The following IL1RAP variants were observed in gnomAD, a reference collection of about 807,000 sequenced individuals.
IL1RAP encodes interleukin-1 receptor accessory protein.
A neutral mutation model predicts 60.7 loss-of-function variants in IL1RAP; 35 were observed. The ratio of observed to expected loss-of-function variants is 0.58; its 90% CI spans 0.44 to 0.76. IL1RAP has a LOEUF of 0.76. Among genes scored for constraint, IL1RAP ranks in the 30% least tolerant of loss-of-function variants. IL1RAP has a pLI of 0.00. For synonymous variants in IL1RAP, 268 were observed against 250.9 expected (o/e 1.07, Z -0.64); for missense variants, 572 against 693.9 (o/e 0.82, Z 1.97).
intron 5 of IL1RAP, among the ~76,000 whole-genome samples, chr3:190,619,735 A>G (rs1731600047): frequency 6.6e-6 from 1 of 151,964 alleles, no homozygotes; most frequent in Non-Finnish European, 1.5e-5. Flanking sequence ...CTCAAAAAAA[A>G]AAAAAAGTAA....
At chr3:190,551,140 G>A (rs1724825594) in intron 1 of IL1RAP, among the ~76,000 whole-genome samples, 1 of 152,206 alleles carries the variant, frequency 6.6e-6, no homozygotes, top group Non-Finnish European at 1.5e-5. Flanking sequence ...CTGTTAGAAA[G>A]TGACATTCTC....
At chr3:190,533,675 C>T (rs1029323409) in intron 1 of IL1RAP, among the ~76,000 whole-genome samples, 1 of 152,034 alleles carries the variant, frequency 6.6e-6, no homozygotes, top group African/African-American at 2.4e-5. Flanking sequence ...GACCAGAGCA[C>T]GTGGGAGGTG....
intron 3 of IL1RAP, among the ~76,000 whole-genome samples, chr3:190,577,854 C>A (rs918596038): frequency 6.6e-6 from 1 of 152,122 alleles, no homozygotes; most frequent in South Asian, 2.1e-4. Context: ...CTACACCCAA[C>A]CCTTAACAGT....
intron 3 of IL1RAP, among the ~76,000 whole-genome samples, chr3:190,587,781 G>A (rs367875361): frequency 1.7e-3 from 264 of 152,320 alleles, no homozygotes; most frequent in African/African-American, 5.9e-3. Flanking sequence ...GGCTGAGTAA[G>A]ACCTGAGAAC....
intron 3 of IL1RAP, among the ~76,000 whole-genome samples, chr3:190,583,360 G>C (rs1169104400): frequency 6.6e-6 from 1 of 152,194 alleles, no homozygotes; most frequent in African/African-American, 2.4e-5. Context: ...TCAGCTATGA[G>C]ATTATTTTGT....
At chr3:190,551,803 G>A (rs1724890039) in intron 1 of IL1RAP, among the ~76,000 whole-genome samples, 1 of 151,954 alleles carries the variant, frequency 6.6e-6, no homozygotes, top group Non-Finnish European at 1.5e-5. Context: ...AAATGTCCAG[G>A]GTAGTTACAG....
intron 4 of IL1RAP, among the ~76,000 whole-genome samples, chr3:190,605,136 T>C (rs1730193767): frequency 6.6e-6 from 1 of 152,172 alleles, no homozygotes; most frequent in South Asian, 2.1e-4. Flanking sequence ...CAATGCTTTT[T>C]AAACTTCTAC....
chr3:190,656,694 C>A (rs952003619), exon 12 of IL1RAP: 2 of 727,198 alleles, frequency 2.8e-6, no homozygotes, highest in Non-Finnish European at 4.3e-6. Context: ...TTTTTATCAT[C>A]TAATGGACTA....
At chr3:190,585,582 C>A (rs368924684) in intron 3 of IL1RAP, among the ~76,000 whole-genome samples, 5 of 152,160 alleles carry the variant, frequency 3.3e-5, no homozygotes, top group East Asian at 1.9e-4. Flanking sequence ...GAGGCCGAGG[C>A]GGGTGGATTG....
chr3:190,620,115 G>C (rs183502671), intron 5 of IL1RAP, among the ~76,000 whole-genome samples, 160 bp from the exon 6 acceptor site: 1 of 152,028 alleles, frequency 6.6e-6, no homozygotes, highest in Admixed American at 6.6e-5. Context: ...TTTATTCTTC[G>C]CAGAAATCTT....
chr3:190,560,650 C>T (rs1725805516), intron 2 of IL1RAP, among the ~76,000 whole-genome samples: 1 of 152,158 alleles, frequency 6.6e-6, no homozygotes, highest in Non-Finnish European at 1.5e-5. Context: ...TGATTCATGG[C>T]AAATCCCACC....
At chr3:190,595,423 C>G (rs1729294354) in intron 3 of IL1RAP, among the ~76,000 whole-genome samples, 1 of 152,198 alleles carries the variant, frequency 6.6e-6, no homozygotes, top group Non-Finnish European at 1.5e-5. Context: ...TTGATTTCCT[C>G]CTTGTCTTCG....
chr3:190,612,565 A>G (rs1176211767), intron 5 of IL1RAP, among the ~76,000 whole-genome samples: 1 of 151,994 alleles, frequency 6.6e-6, no homozygotes, highest in Non-Finnish European at 1.5e-5. Flanking sequence ...ACCTGTTTCA[A>G]TATTATTTTT....
rs75624428 is a variant in IL1RAP at position 190,634,015 on chromosome 3, A to G, written c.1051+4517A>G. On this transcript the variant is annotated intron_variant, in intron 9 of 11. Transcript: ENST00000447382. ...TTTTTTGTAGATGACCTTTATTTTCATGAGCAATTTTTTCATTTTCAGTTT... is the reference window on the plus strand; with the variant it reads ...TTTTTTGTAGATGACCTTTATTTTCGTGAGCAATTTTTTCATTTTCAGTTT... 3.2e-3 allele frequency among the ~76,000 whole-genome samples: 480 copies of G among 152,186 alleles called. 10 individuals carry two copies. In the East Asian group the frequency reaches 0.049, roughly 16 times the overall value.
rs1728672385 is a variant in IL1RAP at position 190,588,569 on chromosome 3, ATGTT to A, written c.65-15555_65-15552del. Among the ~76,000 whole-genome samples, 8 of 152,286 alleles carry A rather than the reference ATGTT, an allele frequency of 5.3e-5. No homozygotes were observed. In the South Asian group the frequency reaches 1.2e-3, roughly 24 times the overall value. ...GGACACACATGCACACACACACAAG[ATGTT>A]TGTGTGTGTAGTTGTAGTTGTACCA... On this transcript the variant is annotated intron_variant, in intron 3 of 11. Coordinates refer to ENST00000447382, the MANE Select transcript of IL1RAP (RefSeq NM_002182.4).
intron 3 of IL1RAP, among the ~76,000 whole-genome samples, chr3:190,576,443 C>A (rs1727457615): frequency 6.6e-6 from 1 of 152,026 alleles, no homozygotes; most frequent in Non-Finnish European, 1.5e-5. Flanking sequence ...ACTAGCAGTT[C>A]AGGCAGTCAA....
intron 3 of IL1RAP, among the ~76,000 whole-genome samples, chr3:190,594,723 A>G (rs942054315): frequency 2.0e-5 from 3 of 152,246 alleles, no homozygotes; most frequent in African/African-American, 7.2e-5. Flanking sequence ...GGGCATGTCT[A>G]GCAGTCCATG....
chr3:190,627,451 T>C lies in IL1RAP; in HGVS notation c.902+2T>C. 1.2e-6 allele frequency: 2 copies of C among 1,610,542 alleles called. No homozygotes were observed. The highest frequency in any genetic ancestry group is 1.7e-6 in the Non-Finnish European group (2 of 1,178,792). ...TATTGATGTCACCATTAACGAAAGG[T>C]ATCATGGGGGCCAGCAAGGGAGTGA... On this transcript the variant is annotated splice_donor_variant, in intron 8 of 11. Coordinates refer to ENST00000447382, the MANE Select transcript of IL1RAP (RefSeq NM_002182.4). LOFTEE classifies it high-confidence loss of function.
chr3:190,589,056 C>T (rs909381091), intron 3 of IL1RAP, among the ~76,000 whole-genome samples: 1 of 152,162 alleles, frequency 6.6e-6, no homozygotes, highest in Non-Finnish European at 1.5e-5. Context: ...AGAGCCTGAT[C>T]TGTATAATGT....
Sources: gnomAD v4.1 joint callset for allele counts (sites outside exome capture counted in the v4.1 genomes callset) on GRCh38, gnomAD v4.1.1 for gene constraint, MANE v1.5 for transcripts, NCBI Gene and HGNC (gene_info 2026-07-23, HGNC 2026-07-21) for gene names.